The following DOCK4 variants were observed in gnomAD, a reference collection of about 807,000 sequenced individuals.
The protein encoded by DOCK4 is dedicator of cytokinesis 4, also known as dedicator of cytokinesis protein 4.
DOCK4 carries 97 observed loss-of-function variants against 268.1 expected under a neutral mutation model. That is an observed-to-expected ratio of 0.36 (90% CI 0.31 to 0.43). The LOEUF is 0.43. Ranked by LOEUF, DOCK4 falls within the 20% of genes least tolerant of loss-of-function variation. DOCK4 has a pLI of 1.00. For synonymous variants in DOCK4, 954 were observed against 887.2 expected, an observed-to-expected ratio of 1.08 and a Z score of -1.34; for missense variants, 2,145 against 2,455.7, an observed-to-expected ratio of 0.87 and a Z score of 2.67.
intron 30 of DOCK4, among the ~76,000 whole-genome samples, chr7:111,791,276 TACACACACACACACACAC>T (rs147004808): frequency 7.4e-6 from 1 of 134,834 alleles, no homozygotes; most frequent in Non-Finnish European, 1.5e-5. Flanking sequence ...ATTTAAAAAA[TACACACACACACACACAC>T]ACACACACAC....
intron 1 of DOCK4, among the ~76,000 whole-genome samples, chr7:112,153,799 A>G (rs1477443662): frequency 6.6e-6 from 1 of 152,196 alleles, no homozygotes; most frequent in Non-Finnish European, 1.5e-5. Flanking sequence ...ATTTCTACCA[A>G]GCCCAGTTAT....
chr7:112,199,588 T>A (rs1343189015), intron 1 of DOCK4, among the ~76,000 whole-genome samples: 1 of 152,186 alleles, frequency 6.6e-6, no homozygotes, highest in South Asian at 2.1e-4. Context: ...TAATTCCTTA[T>A]TTTTTTGTCT....
chr7:112,112,224 A>G (rs1811722811), intron 1 of DOCK4, among the ~76,000 whole-genome samples: 1 of 152,138 alleles, frequency 6.6e-6, no homozygotes, highest in Non-Finnish European at 1.5e-5. Context: ...TAATGAGTTC[A>G]TATGAGAACT....
intron 12 of DOCK4, among the ~76,000 whole-genome samples, chr7:111,933,118 AC>A: frequency 7.2e-6 from 1 of 139,532 alleles, no homozygotes; most frequent in African/African-American, 2.7e-5. Context: ...ACGTATATAC[AC>A]ATATATATAC....
intron 1 of DOCK4, among the ~76,000 whole-genome samples, chr7:112,170,480 C>T (rs11765160): frequency 0.1 from 15,233 of 151,436 alleles, 944 homozygotes; most frequent in South Asian, 0.14. Flanking sequence ...CCAGAAAAAG[C>T]ATATATATTT....
rs61437758 is a variant in DOCK4, at chr7:112,092,627, A to AC, written c.38-88497_38-88496insG. Among the ~76,000 whole-genome samples the AC allele has an allele frequency of 9.4e-3, 1,431 of 152,294 alleles. 23 individuals are homozygous for AC. The highest frequency in any genetic ancestry group is 0.033 in the African/African-American group (1,359 of 41,560). On this transcript the variant is annotated intron_variant, in intron 1 of 52. Coordinates refer to ENST00000428084, the MANE Select transcript of DOCK4 (RefSeq NM_001363540.2). ...AGCAACATCTAAAAGAACTCAAGTG[A>AC]AAAACAGTTTCTCCAAAGGCTATTA...
chr7:111,868,221 G>C, intron 21 of DOCK4, 67 bp from the exon 22 acceptor site: 1 of 1,258,450 alleles, frequency 7.9e-7, no homozygotes, highest in South Asian at 1.6e-5. Context: ...GCAATGACAC[G>C]GCATAAAAAC....
intron 12 of DOCK4, among the ~76,000 whole-genome samples, chr7:111,934,517 GTT>G (rs1219563532): frequency 1.1e-5 from 1 of 89,472 alleles, no homozygotes; most frequent in Non-Finnish European, 2.3e-5. Flanking sequence ...GTTTTGTTTT[GTT>G]TTTGTTTTTT....
In DOCK4 at chr7:111,791,276, T is replaced by TACACACACACACACACACACACACACAC. The variant is rs147004808; in HGVS notation, c.3167-699_3167-672dup. ...ATAGGAATATTTTTAATTTAAAAAA[T>TACACACACACACACACACACACACACAC]ACACACACACACACACACACACACA... On this transcript the variant is annotated intron_variant, in intron 30 of 52. Transcript: ENST00000428084. Among the ~76,000 whole-genome samples the TACACACACACACACACACACACACACAC allele has an allele frequency of 1.6e-3, 210 of 134,844 alleles. 2 individuals are homozygous for TACACACACACACACACACACACACACAC. The highest frequency in any genetic ancestry group is 6.1e-3 in the African/African-American group (195 of 31,968). The allele number at this position is 134,844 out of a possible 152,430, so 88.5% of individuals were successfully genotyped here.
chr7:112,041,350 T>C (rs945702019), intron 1 of DOCK4, among the ~76,000 whole-genome samples: 9 of 152,190 alleles, frequency 5.9e-5, no homozygotes, highest in Non-Finnish European at 1.5e-5. Flanking sequence ...TATTTCCATA[T>C]TAGCCAACGT....
chr7:111,915,321 T>C (rs1399176396), intron 13 of DOCK4, among the ~76,000 whole-genome samples: 1 of 152,196 alleles, frequency 6.6e-6, no homozygotes, highest in Non-Finnish European at 1.5e-5. Context: ...GAAGTACATA[T>C]AATATTTGCA....
At chr7:112,135,968 G>T in intron 1 of DOCK4, among the ~76,000 whole-genome samples, 1 of 152,100 alleles carries the variant, frequency 6.6e-6, no homozygotes. Flanking sequence ...CTTCAGCCAA[G>T]CTGAGAAAAC....
chr7:112,036,076 A>G (rs1252598873), intron 1 of DOCK4, among the ~76,000 whole-genome samples: 3 of 152,186 alleles, frequency 2.0e-5, no homozygotes, highest in African/African-American at 7.2e-5. Flanking sequence ...CAGAAGACCC[A>G]TGTCTTTAAA....
At chr7:112,183,028 C>T (rs977030123) in intron 1 of DOCK4, among the ~76,000 whole-genome samples, 2 of 152,240 alleles carry the variant, frequency 1.3e-5, no homozygotes, top group African/African-American at 4.8e-5. Flanking sequence ...GGCCCAGCTA[C>T]ACTCCCCTAG....
intron 42 of DOCK4, among the ~76,000 whole-genome samples, chr7:111,748,801 A>G (rs1355965706): frequency 1.3e-5 from 2 of 152,168 alleles, no homozygotes; most frequent in African/African-American, 2.4e-5. Flanking sequence ...AAACATGTAC[A>G]AAAATGTTCA....
intron 44 of DOCK4, among the ~76,000 whole-genome samples, chr7:111,744,676 C>T (rs1225554650): frequency 6.6e-6 from 1 of 152,182 alleles, no homozygotes; most frequent in Non-Finnish European, 1.5e-5. Flanking sequence ...AAACACAGAT[C>T]TTTAAAAATC....
intron 12 of DOCK4, among the ~76,000 whole-genome samples, chr7:111,923,561 G>A (rs1173587180): frequency 6.6e-6 from 1 of 151,816 alleles, no homozygotes; most frequent in African/African-American, 2.4e-5. Flanking sequence ...TCTTTTATCT[G>A]GGCATTTTAT....
chr7:111,924,365 G>T (rs1793419269), intron 12 of DOCK4, among the ~76,000 whole-genome samples: 1 of 152,102 alleles, frequency 6.6e-6, no homozygotes, highest in Non-Finnish European at 1.5e-5. Flanking sequence ...TGGGACCAGG[G>T]GAAATGTGAT....
chr7:111,763,687 C>A (rs1797592656), intron 39 of DOCK4, among the ~76,000 whole-genome samples: 1 of 150,920 alleles, frequency 6.6e-6, no homozygotes, highest in Non-Finnish European at 1.5e-5. Context: ...TGTCTAGACC[C>A]TGCTGCGCAA....
Sources: allele counts gnomAD v4.1 joint callset (sites outside exome capture counted in the v4.1 genomes callset), GRCh38; gene constraint gnomAD v4.1.1; transcripts MANE v1.5; gene names NCBI Gene and HGNC (gene_info 2026-07-23, HGNC 2026-07-21).